Variants in LETM2 observed in about 807,000 individuals in gnomAD.
The protein encoded by LETM2 is leucine zipper and EF-hand containing transmembrane protein 2, also known as LETM1 domain-containing protein LETM2, mitochondrial.
Under a neutral mutation model 59.6 loss-of-function variants are expected in LETM2, and 58 were observed. The ratio of observed to expected loss-of-function variants is 0.97; its 90% CI spans 0.79 to 1.21. The LOEUF (loss-of-function observed/expected upper bound fraction) is 1.21, where lower values mean the gene tolerates loss of function less well. LETM2 is among the 50% of genes most tolerant of loss of function. LETM2 has a pLI of 0.00. For synonymous variants in LETM2, 199 were observed against 214.1 expected, an observed-to-expected ratio of 0.93 and a Z score of 0.62; for missense variants, 572 against 575.7, an observed-to-expected ratio of 0.99 and a Z score of 0.07.
intron 1 of LETM2, among the ~76,000 whole-genome samples, chr8:38,387,661 G>T (rs1038345637): frequency 2.6e-5 from 4 of 151,982 alleles, no homozygotes; most frequent in African/African-American, 9.7e-5. Context: ...CATTGAAGTT[G>T]CATTACTAGA....
chr8:38,406,989 A>C lies in LETM2; in HGVS notation c.1262A>C (p.Glu421Ala). 6.2e-7 allele frequency: 1 copy of C among 1,612,590 alleles called. No homozygotes were observed. The highest frequency in any genetic ancestry group is 8.5e-7 in the Non-Finnish European group (1 of 1,178,624). ...DILVELPTFT[E>A]SKENMVDLAP... ...CTTGTGGAATTACCTACTTTCACTGAATCTAAAGAGAACATGGTGGATCTT... is the reference window on the plus strand; with the variant it reads ...CTTGTGGAATTACCTACTTTCACTGCATCTAAAGAGAACATGGTGGATCTT... The change falls in exon 9 of 11, where the codon GAA (glutamate) becomes GCA (alanine). Residue 421 changes from glutamate to alanine, a missense_variant. Transcript: ENST00000379957.
chr8:38,392,020 G>A (rs1471607604), intron 2 of LETM2, among the ~76,000 whole-genome samples: 1 of 152,244 alleles, frequency 6.6e-6, no homozygotes, highest in East Asian at 1.9e-4. Flanking sequence ...TAGGTGAAGG[G>A]TATTTCAGCT....
At chr8:38,400,596 A>C in intron 5 of LETM2, 187 bp downstream of exon 5, 1 of 680,176 alleles carries the variant, frequency 1.5e-6, no homozygotes, top group South Asian at 2.3e-5. Context: ...AGCCTGTCTT[A>C]AAGTAATCAA....
At chr8:38,390,593 G>A (rs1474834679) in intron 2 of LETM2, among the ~76,000 whole-genome samples, 3 of 127,056 alleles carry the variant, frequency 2.4e-5, no homozygotes, top group South Asian at 5.8e-4. Context: ...CTGCACTCCA[G>A]CCTGGGCAAC....
intron 7 of LETM2, among the ~76,000 whole-genome samples, chr8:38,403,733 A>G (rs1219235311): frequency 6.6e-6 from 1 of 152,228 alleles, no homozygotes; most frequent in Non-Finnish European, 1.5e-5. Flanking sequence ...CTCTGGTTGG[A>G]AGACAGCACA....
intron 9 of LETM2, 69 bp from the exon 10 acceptor site, chr8:38,407,293 T>G: frequency 8.5e-7 from 1 of 1,170,806 alleles, no homozygotes. Flanking sequence ...GTAGTCAAGG[T>G]AGTGGACTGT....
At chr8:38,405,811 T>A (rs997298698) in intron 8 of LETM2, among the ~76,000 whole-genome samples, 2 of 152,332 alleles carry the variant, frequency 1.3e-5, no homozygotes, top group Admixed American at 6.5e-5. Context: ...TAAATCTGGG[T>A]TCTCAGAATT....
At chr8:38,404,297 C>A in intron 7 of LETM2, 96 bp from the exon 8 acceptor site, 2 of 819,362 alleles carry the variant, frequency 2.4e-6, no homozygotes, top group Non-Finnish European at 2.0e-6. Context: ...AGGGCGGGGG[C>A]GGTGGGAAGC....
chr8:38,387,833 G>T (rs1160676527), intron 1 of LETM2, 117 bp from the exon 2 acceptor site: 1 of 580,774 alleles, frequency 1.7e-6, no homozygotes, highest in Non-Finnish European at 3.0e-6. Context: ...AGGAGGTTTT[G>T]TACCTTAACT....
chr8:38,404,675 C>G (rs1813568625), intron 8 of LETM2, 169 bp downstream of exon 8: 1 of 582,526 alleles, frequency 1.7e-6, no homozygotes. Flanking sequence ...ACCAACCAAC[C>G]ACAAACAAAC....
intron 6 of LETM2, 57 bp from the exon 7 acceptor site, chr8:38,402,468 G>C: frequency 6.3e-7 from 1 of 1,591,890 alleles, no homozygotes; most frequent in Non-Finnish European, 8.6e-7. Flanking sequence ...CTGGAATTTA[G>C]GGTTTACGTA....
chr8:38,408,262 A>G lies in LETM2; in HGVS notation c.1464A>G (p.Ser488=), dbSNP rs766946832. ...QMTAQNSKAS[S]KGA is the part of the protein sequence containing the mutation. ...CGGCCCAGAACAGCAAGGCTAGTTC[A>G]AAAGGAGCATAAAGGACTACTTGAG... is the stretch of plus-strand genomic sequence containing the variant. The change falls in exon 11 of 11, where the codon TCA becomes TCG. Residue 488 remains serine, a synonymous_variant. Transcript: ENST00000379957. The G allele has an allele frequency of 6.2e-7, 1 of 1,612,644 alleles. No homozygotes were observed. Among genetic ancestry groups the G allele is most frequent in the Admixed American group, 1.7e-5 (1 of 59,824 alleles).
rs1446983280 is a variant in LETM2 at position 38,404,457 on chromosome 8, A to G, written c.1169A>G (p.Tyr390Cys). ...CTTTTGCTCCTGTCCCGCACCTTCT[A>G]CCTGATAGATGTGAAGCCCAAGCCG... ...PSLLLLSRTF[Y>C]LIDVKPKPIE... Residue 390 changes from tyrosine (Y) to cysteine (C), a missense_variant, in exon 8 of 11, where the codon TAC (tyrosine) becomes TGC (cysteine). Coordinates refer to ENST00000379957, the MANE Select transcript of LETM2 (RefSeq NM_001286819.2). 1.2e-6 allele frequency: 2 copies of G among 1,613,856 alleles called. No homozygotes were observed. Among genetic ancestry groups the G allele is most frequent in the Non-Finnish European group, 8.5e-7 (1 of 1,179,940 alleles).
intron 4 of LETM2, among the ~76,000 whole-genome samples, chr8:38,398,917 A>C (rs1812922329): frequency 6.6e-6 from 1 of 151,932 alleles, no homozygotes; most frequent in Non-Finnish European, 1.5e-5. Context: ...ACAGGGTTTC[A>C]CCGTGACAGG....
intron 5 of LETM2, chr8:38,400,643 GTAGATT>G (rs1813123314): frequency 1.5e-6 from 1 of 659,700 alleles, no homozygotes; most frequent in Admixed American, 3.2e-5. Flanking sequence ...GGAGAGAACA[GTAGATT>G]TAGAGTCAAA....
At chr8:38,389,776 G>A (rs1585967298) in intron 2 of LETM2, among the ~76,000 whole-genome samples, 1 of 151,280 alleles carries the variant, frequency 6.6e-6, no homozygotes, top group Non-Finnish European at 1.5e-5. Flanking sequence ...CGAGGCGGGT[G>A]GACCACAAGG....
At chr8:38,399,949 AAGAGAGAGAGAG>A (rs3138841) in intron 4 of LETM2, among the ~76,000 whole-genome samples, 34 of 148,068 alleles carry the variant, frequency 2.3e-4, no homozygotes, top group African/African-American at 7.7e-4. Flanking sequence ...TGATCTCAAA[AAGAGAGAGAGAG>A]AGAGAGAGAG....
At chr8:38,405,432 G>A (rs185816479) in intron 8 of LETM2, among the ~76,000 whole-genome samples, 8 of 152,312 alleles carry the variant, frequency 5.3e-5, no homozygotes, top group Non-Finnish European at 1.2e-4. Context: ...ATGCTACACT[G>A]TGGTTTAGGG....
chr8:38,393,140 G>T, intron 3 of LETM2, 145 bp downstream of exon 3: 1 of 660,502 alleles, frequency 1.5e-6, no homozygotes, highest in African/African-American at 1.8e-5. Context: ...TTTCTTGTCT[G>T]CAACCGACTT....
Sources: gnomAD v4.1 joint callset for allele counts (sites outside exome capture counted in the v4.1 genomes callset) on GRCh38, gnomAD v4.1.1 for gene constraint, MANE v1.5 for transcripts, NCBI Gene and HGNC (gene_info 2026-07-23, HGNC 2026-07-21) for gene names.